The following POU6F2 variants were observed in gnomAD, a reference collection of about 807,000 sequenced individuals.
POU6F2 encodes the protein POU domain, class 6, transcription factor 2.
POU6F2 carries 31 observed loss-of-function variants against 71.3 expected under a neutral mutation model. That is an observed-to-expected ratio of 0.43 (90% CI 0.33 to 0.59). The LOEUF is 0.59. POU6F2 is among the 20% of genes least tolerant of loss of function. POU6F2 has a pLI of 0.04. For synonymous variants in POU6F2, 347 were observed against 355.7 expected, an observed-to-expected ratio of 0.98 and a Z score of 0.27; for missense variants, 783 against 856.8, an observed-to-expected ratio of 0.91 and a Z score of 1.07.
At chr7:39,426,869 C>G (rs1787986377) in intron 6 of POU6F2, among the ~76,000 whole-genome samples, 1 of 152,210 alleles carries the variant, frequency 6.6e-6, no homozygotes, top group Non-Finnish European at 1.5e-5. Flanking sequence ...GTAACCTCCT[C>G]TGTAAATCCA....
chr7:39,064,207 A>C (rs905404963), intron 1 of POU6F2, among the ~76,000 whole-genome samples: 1 of 152,080 alleles, frequency 6.6e-6, no homozygotes, highest in Non-Finnish European at 1.5e-5. Flanking sequence ...TTATAATAAT[A>C]GTAAATTTGA....
At chr7:39,329,377 A>G (rs1248598840) in intron 4 of POU6F2, among the ~76,000 whole-genome samples, 2 of 151,838 alleles carry the variant, frequency 1.3e-5, no homozygotes, top group Non-Finnish European at 2.9e-5. Context: ...GGAAATTCAT[A>G]GCTTGCCTCT....
At chr7:39,006,322 G>A (rs370223615) in intron 1 of POU6F2, among the ~76,000 whole-genome samples, 2 of 152,070 alleles carry the variant, frequency 1.3e-5, no homozygotes, top group African/African-American at 4.8e-5. Context: ...AAATTAGCCA[G>A]GTGTGGTGGC....
chr7:39,121,407 A>G (rs1304556698), intron 2 of POU6F2, among the ~76,000 whole-genome samples: 1 of 152,174 alleles, frequency 6.6e-6, no homozygotes, highest in Non-Finnish European at 1.5e-5. Flanking sequence ...TCCCATCCAT[A>G]CTTATCACTT....
chr7:39,092,157 A>G (rs1791373456), intron 2 of POU6F2, among the ~76,000 whole-genome samples: 5 of 152,204 alleles, frequency 3.3e-5, no homozygotes, highest in African/African-American at 1.2e-4. Flanking sequence ...TGTTTATACC[A>G]AACTGGCACC....
chr7:39,277,879 A>G (rs1386901279), intron 4 of POU6F2, among the ~76,000 whole-genome samples: 1 of 152,076 alleles, frequency 6.6e-6, no homozygotes, highest in Non-Finnish European at 1.5e-5. Flanking sequence ...CAACATGGTG[A>G]AACCCCCTCT....
chr7:39,455,182 C>T (rs1270366801), intron 8 of POU6F2, among the ~76,000 whole-genome samples: 1 of 152,068 alleles, frequency 6.6e-6, no homozygotes, highest in African/African-American at 2.4e-5. Flanking sequence ...ATTTACAGTG[C>T]ACTGTTTAGA....
At chr7:39,271,117 T>G (rs2128756821) in intron 4 of POU6F2, among the ~76,000 whole-genome samples, 2 of 152,326 alleles carry the variant, frequency 1.3e-5, no homozygotes, top group East Asian at 3.9e-4. Context: ...CCCCACCTAT[T>G]ATTGTATACC....
At chr7:39,230,362 A>G (rs985704881) in intron 4 of POU6F2, among the ~76,000 whole-genome samples, 1 of 152,140 alleles carries the variant, frequency 6.6e-6, no homozygotes, top group Admixed American at 6.5e-5. Context: ...GTGCATGCCT[A>G]TAGCCTCAGC....
intron 4 of POU6F2, among the ~76,000 whole-genome samples, chr7:39,307,433 G>A (rs1473279342): frequency 5.3e-5 from 8 of 152,034 alleles, no homozygotes; most frequent in African/African-American, 1.7e-4. Flanking sequence ...TATCATACTC[G>A]ATAATATTTC....
chr7:39,163,246 A>G (rs1305571008), intron 2 of POU6F2, among the ~76,000 whole-genome samples: 1 of 152,236 alleles, frequency 6.6e-6, no homozygotes, highest in Non-Finnish European at 1.5e-5. Context: ...CTAACCCATT[A>G]GTATTGACTC....
chr7:39,051,321 C>T (rs1790396066), intron 1 of POU6F2, among the ~76,000 whole-genome samples: 1 of 152,042 alleles, frequency 6.6e-6, no homozygotes, highest in Non-Finnish European at 1.5e-5. Flanking sequence ...TGCTTAAGAG[C>T]AAGTAGTAGA....
chr7:39,027,654 T>C (rs1402296299), intron 1 of POU6F2, among the ~76,000 whole-genome samples: 1 of 152,236 alleles, frequency 6.6e-6, no homozygotes, highest in Non-Finnish European at 1.5e-5. Context: ...ATGTATAAAC[T>C]TCGTAACATT....
At chr7:38,993,689 C>CT (rs1200077459) in intron 1 of POU6F2, among the ~76,000 whole-genome samples, 25 of 123,022 alleles carry the variant, frequency 2.0e-4, no homozygotes, top group South Asian at 4.8e-4. Context: ...ATATGGAAAC[C>CT]TTTTTTTTTG....
At chr7:38,986,085 G>T (rs992551104) in intron 1 of POU6F2, among the ~76,000 whole-genome samples, 1 of 151,828 alleles carries the variant, frequency 6.6e-6, no homozygotes, top group Non-Finnish European at 1.5e-5. Context: ...AAACATTTTG[G>T]GAATACTTGA....
At chr7:39,032,035 T>G (rs950233987) in intron 1 of POU6F2, among the ~76,000 whole-genome samples, 4 of 152,222 alleles carry the variant, frequency 2.6e-5, no homozygotes, top group African/African-American at 9.6e-5. Flanking sequence ...TCATTATTTC[T>G]AGATCAATGG....
chr7:39,283,405 C>T lies in POU6F2; in HGVS notation c.599-56237C>T, dbSNP rs529873491. 1.2e-4 allele frequency among the ~76,000 whole-genome samples: 19 copies of T among 152,254 alleles called. No homozygotes were observed. The South Asian group carries it at 3.5e-3, about 28-fold the overall frequency. On this transcript the variant is annotated intron_variant, in intron 4 of 9. Coordinates refer to ENST00000518318, the MANE Select transcript of POU6F2 (RefSeq NM_001370959.1). ...CATCATCCCAAACTCAAGCTCAGTA[C>T]TCATTAAACAAAAACTCCCCATTCC... is the stretch of plus-strand genomic sequence containing the variant.
chr7:39,046,153 A>G (rs1002029982), intron 1 of POU6F2, among the ~76,000 whole-genome samples: 1 of 151,894 alleles, frequency 6.6e-6, no homozygotes, highest in Non-Finnish European at 1.5e-5. Flanking sequence ...AACTATTGTA[A>G]TGGATTTATT....
chr7:39,358,817 T>C (rs1047565296), intron 5 of POU6F2, among the ~76,000 whole-genome samples: 4 of 148,106 alleles, frequency 2.7e-5, no homozygotes, highest in African/African-American at 1.0e-4. Flanking sequence ...GACTCTGAGA[T>C]CCTCTGGCTA....
Sources: gnomAD v4.1 joint callset for allele counts (sites outside exome capture counted in the v4.1 genomes callset) on GRCh38, gnomAD v4.1.1 for gene constraint, MANE v1.5 for transcripts, NCBI Gene and HGNC (gene_info 2026-07-23, HGNC 2026-07-21) for gene names.